The following AP3M2 variants were observed in gnomAD, a reference collection of about 807,000 sequenced individuals.
AP3M2 encodes AP-3 complex subunit mu-2.
In AP3M2, 28 loss-of-function variants were observed where a neutral mutation model predicts 41.6. That is an observed-to-expected ratio of 0.67 (90% CI 0.50 to 0.92). The LOEUF (loss-of-function observed/expected upper bound fraction) is 0.92. AP3M2 is among the 40% of genes least tolerant of loss of function. AP3M2 has a pLI of 0.00. For synonymous variants in AP3M2, 193 were observed against 186.4 expected, an observed-to-expected ratio of 1.04 and a Z score of -0.29; for missense variants, 427 against 521.4, an observed-to-expected ratio of 0.82 and a Z score of 1.76.
At chr8:42,165,643 G>A in intron 6 of AP3M2, 83 bp downstream of exon 6, 2 of 1,515,320 alleles carry the variant, frequency 1.3e-6, no homozygotes, top group East Asian at 4.6e-5. Context: ...AAGAACTCAG[G>A]CTCTAGAGTT....
At chr8:42,165,703 G>A in intron 6 of AP3M2, 143 bp downstream of exon 6, 1 of 934,430 alleles carries the variant, frequency 1.1e-6, no homozygotes, top group South Asian at 1.7e-5. Flanking sequence ...GTAACCTCAG[G>A]TGAGTTGCTT....
rs1377870791 is a variant in AP3M2 at position 42,170,033 on chromosome 8, A to C, written c.*972A>C. 6.7e-6 allele frequency: 1 copy of C among 150,212 alleles called. No homozygotes were observed. The highest frequency in any genetic ancestry group is 1.5e-5 in the Non-Finnish European group (1 of 66,916). 9.3% of individuals were successfully genotyped at this position (150,212 alleles called of 1,614,324 possible). On this transcript the variant is annotated 3_prime_UTR_variant, in exon 9 of 9. Coordinates refer to ENST00000396926, the MANE Select transcript of AP3M2 (RefSeq NM_006803.4). ...CAGGGTTTGTGTGTCATCGTACTGGAGTAGAGGGCCGACTCTTCCCATGAA... is the reference window on the plus strand; with the variant it reads ...CAGGGTTTGTGTGTCATCGTACTGGCGTAGAGGGCCGACTCTTCCCATGAA...
At chr8:42,165,200 A>G (rs765695596) in intron 5 of AP3M2, 44 bp downstream of exon 5, 1 of 1,580,572 alleles carries the variant, frequency 6.3e-7, no homozygotes, top group Admixed American at 1.7e-5. Context: ...ATGAGAAATT[A>G]AATGCTGCTG....
Position 42,154,810 on chromosome 8 carries a change from G to A in AP3M2, c.123G>A (p.Glu41=). Residue 41 remains glutamate, a synonymous_variant, in exon 2 of 9, where the codon GAG becomes GAA. Transcript: ENST00000396926. The stretch of plus-strand genomic sequence containing the variant: ...TTGAGGCGCAAGAGAGAGCTACTGA[G>A]GCAGAAAATGTGCCTCCGGTTATCC... ...YFFEAQERAT[E]AENVPPVIPT... 2 of 1,614,094 alleles carry A rather than the reference G, an allele frequency of 1.2e-6. No individual in the cohort carries two copies. Among genetic ancestry groups the A allele is most frequent in the Admixed American group, 3.3e-5 (2 of 60,008 alleles).
chr8:42,166,879 A>G, intron 6 of AP3M2: 1 of 391,206 alleles, frequency 2.6e-6, no homozygotes, highest in South Asian at 3.0e-5. Flanking sequence ...ACATAATGAC[A>G]ATACATTTTT....
At chr8:42,153,956 T>C (rs1804283838) in intron 1 of AP3M2, 1 of 152,244 alleles carries the variant, frequency 6.6e-6, no homozygotes, top group Non-Finnish European at 1.5e-5. Context: ...GTACATGTTC[T>C]GGTAACCACT....
chr8:42,162,390 A>AGCT lies in AP3M2; in HGVS notation c.556_557insCTG (p.Glu185_Glu186insAla), dbSNP rs1390654042. 1 of 1,610,348 alleles carries AGCT rather than the reference A, an allele frequency of 6.2e-7. No homozygotes were observed. Among genetic ancestry groups the AGCT allele is most frequent in the Non-Finnish European group, 8.5e-7 (1 of 1,178,220 alleles). On this transcript the variant is annotated inframe_insertion, in exon 4 of 9. Coordinates refer to ENST00000396926, the MANE Select transcript of AP3M2 (RefSeq NM_006803.4). Reference sequence around the variant, plus strand: ...ATGAGGCCTATTTTGATGTGATTGAAGAGATTGATGCAATTATTGATAAAT... The same window carrying AGCT: ...ATGAGGCCTATTTTGATGTGATTGAAGCTGAGATTGATGCAATTATTGATAAAT...
intron 2 of AP3M2, 103 bp downstream of exon 2, chr8:42,155,063 C>T: frequency 1.0e-6 from 1 of 980,924 alleles, no homozygotes; most frequent in Non-Finnish European, 1.5e-6. Context: ...AAAAAAAAAT[C>T]AAAACTCTGG....
intron 4 of AP3M2, among the ~76,000 whole-genome samples, chr8:42,163,781 A>T (rs959847865): frequency 2.6e-5 from 4 of 152,222 alleles, no homozygotes; most frequent in East Asian, 3.8e-4. Flanking sequence ...AATGTTCCGT[A>T]TCTTGCTGTA....
In AP3M2 at chr8:42,154,895, A is replaced by G. The variant is rs747921643; in HGVS notation, c.208A>G (p.Ile70Val). 2 of 1,614,120 alleles carry G rather than the reference A, an allele frequency of 1.2e-6. No individual in the cohort carries two copies. Among genetic ancestry groups the G allele is most frequent in the Non-Finnish European group, 1.7e-6 (2 of 1,180,014 alleles). Residue 70 changes from isoleucine (I) to valine (V), a missense_variant, in exon 2 of 9, where the codon ATC becomes GTC. Ile to Val is a conservative substitution (Grantham distance 29, BLOSUM62 3). This residue lies in a region of AP3M2 where 104 missense variants were observed against 93.8 expected (regional missense o/e 1.11). Transcript: ENST00000396926. ...CCACAAGATCTTTTTTGTGGCCGTG[A>G]TCCAGACGGAGGTCCCCCCTCTGTT... ...YRHKIFFVAV[I>V]QTEVPPLFVI...
chr8:42,158,160 A>T (rs199651258), intron 3 of AP3M2, 48 bp downstream of exon 3: 1 of 1,573,816 alleles, frequency 6.4e-7, no homozygotes, highest in African/African-American at 1.3e-5. Context: ...CTACAGCCTG[A>T]GTGGCTTAGT....
In AP3M2 at chr8:42,167,302, G is replaced by C. The variant is rs1804666349; in HGVS notation, c.942G>C (p.Met314Ile). Residue 314 changes from methionine (M) to isoleucine (I), a missense_variant, in exon 7 of 9, where the codon ATG becomes ATC. This residue lies in a region of AP3M2 where 237 missense variants were observed against 284.9 expected (regional missense o/e 0.83). Coordinates refer to ENST00000396926, the MANE Select transcript of AP3M2 (RefSeq NM_006803.4). ...TIEGVTVTSQ[M>I]PKGVLNMSLT... ...AGGGAGTGACTGTCACCAGCCAGATGCCCAAGGGGGTCCTGAACATGAGCC... is the reference window on the plus strand; with the variant it reads ...AGGGAGTGACTGTCACCAGCCAGATCCCCAAGGGGGTCCTGAACATGAGCC... The C allele has an allele frequency of 1.2e-6, 2 of 1,614,050 alleles. No homozygotes were observed. Among genetic ancestry groups the C allele is most frequent in the Non-Finnish European group, 1.7e-6 (2 of 1,180,040 alleles).
chr8:42,165,478 C>G lies in AP3M2; in HGVS notation c.721C>G (p.Arg241Gly), dbSNP rs758941318. Residue 241 changes from arginine (R) to glycine (G), a missense_variant, in exon 6 of 9, where the codon CGC becomes GGC. Physicochemically the swap from Arg to Gly is moderately radical, Grantham distance 125. Transcript: ENST00000396926. ...CTTCCATCCTTGTGTTCGTTTCAAACGCTGGGAATCTGAGCGCATCCTCTC... is the reference window on the plus strand; with the variant it reads ...CTTCCATCCTTGTGTTCGTTTCAAAGGCTGGGAATCTGAGCGCATCCTCTC... ...VSFHPCVRFKRWESERILSFI... is the reference protein window; with the variant it reads ...VSFHPCVRFKGWESERILSFI... 1 of 1,614,188 alleles carries G rather than the reference C, an allele frequency of 6.2e-7. No homozygotes were observed. The highest frequency in any genetic ancestry group is 8.5e-7 in the Non-Finnish European group (1 of 1,180,032).
At chr8:42,163,171 C>T (rs1248421139) in intron 4 of AP3M2, among the ~76,000 whole-genome samples, 4 of 151,718 alleles carry the variant, frequency 2.6e-5, no homozygotes, top group Non-Finnish European at 5.9e-5. Flanking sequence ...CCTATAGTCC[C>T]AATTATTGGG....
intron 3 of AP3M2, among the ~76,000 whole-genome samples, chr8:42,160,872 G>A (rs144364060): frequency 3.9e-5 from 6 of 152,260 alleles, no homozygotes; most frequent in Admixed American, 2.0e-4. Context: ...AAACAAATTT[G>A]GTGGTTTCTT....
intron 2 of AP3M2, among the ~76,000 whole-genome samples, chr8:42,157,370 A>G (rs1323365172): frequency 6.6e-6 from 1 of 152,254 alleles, no homozygotes; most frequent in Non-Finnish European, 1.5e-5. Flanking sequence ...GCTTTCCCAC[A>G]ATGCAGATAA....
chr8:42,156,204 A>G lies in AP3M2; in HGVS notation c.273+1244A>G, dbSNP rs536256876. 2.6e-5 allele frequency among the ~76,000 whole-genome samples: 4 copies of G among 152,350 alleles called. No individual in the cohort carries two copies. The South Asian group carries it at 8.3e-4, about 32-fold the overall frequency. On this transcript the variant is annotated intron_variant, in intron 2 of 8. Coordinates refer to ENST00000396926, the MANE Select transcript of AP3M2 (RefSeq NM_006803.4). ...TGACAGCCGCTATATGGCCATACTA[A>G]TGTAACTTATTACAAGACAGGAAGT...
intron 2 of AP3M2, among the ~76,000 whole-genome samples, chr8:42,157,717 T>C (rs1270798834): frequency 6.6e-6 from 1 of 152,208 alleles, no homozygotes; most frequent in South Asian, 2.1e-4. Flanking sequence ...CTCTTGTTTG[T>C]AGAAGAAGCT....
intron 6 of AP3M2, among the ~76,000 whole-genome samples, chr8:42,166,360 A>G (rs1201616193): frequency 1.3e-5 from 2 of 152,148 alleles, no homozygotes; most frequent in Admixed American, 1.3e-4. Flanking sequence ...ACTGGCAAAC[A>G]GGAAGTACTC....
Sources: allele counts gnomAD v4.1 joint callset (sites outside exome capture counted in the v4.1 genomes callset), GRCh38; gene constraint gnomAD v4.1.1; regional missense constraint gnomAD v4.1.1; transcripts MANE v1.5; gene names NCBI Gene and HGNC (gene_info 2026-07-23, HGNC 2026-07-21).